The following ABCA13 variants were observed in gnomAD, a reference collection of about 807,000 sequenced individuals.
The protein encoded by ABCA13 is ATP-binding cassette sub-family A member 13.
Under a neutral mutation model 478.7 loss-of-function variants are expected in ABCA13, and 476 were observed. The ratio of observed to expected loss-of-function variants is 0.99; its 90% CI spans 0.92 to 1.07. The LOEUF is 1.07. Ranked by LOEUF, ABCA13 falls within the 50% of genes least tolerant of loss-of-function variation. The pLI is 0.00. For missense variants in ABCA13, 6,060 were observed against 5,910.6 expected, an observed-to-expected ratio of 1.03 and a Z score of -0.83; for synonymous variants, 2,252 against 2,158.9, an observed-to-expected ratio of 1.04 and a Z score of -1.20.
chr7:48,608,203 C>T (rs1048800233), intron 58 of ABCA13, among the ~76,000 whole-genome samples: 1 of 152,178 alleles, frequency 6.6e-6, no homozygotes, highest in Non-Finnish European at 1.5e-5. Flanking sequence ...AAGACTGGCT[C>T]ATAGGAGTCA....
chr7:48,226,159 T>C (rs1046682351), intron 5 of ABCA13, among the ~76,000 whole-genome samples: 1 of 152,138 alleles, frequency 6.6e-6, no homozygotes, highest in Non-Finnish European at 1.5e-5. Context: ...ATGAAGATTT[T>C]GACCAGAGAA....
chr7:48,507,556 G>A lies in ABCA13; in HGVS notation c.13347-316G>A, dbSNP rs555493812. Among the ~76,000 whole-genome samples the A allele has an allele frequency of 4.9e-4, 75 of 152,236 alleles. 1 individual carries two copies. The highest frequency in any genetic ancestry group is 9.4e-4 in the Non-Finnish European group (64 of 68,012). On this transcript the variant is annotated intron_variant, in intron 49 of 61. Coordinates refer to ENST00000435803, the MANE Select transcript of ABCA13 (RefSeq NM_152701.5). ...AAAGGTCACAGCTTACCCGGATGCT[G>A]CTCAGAGGATATCTTTCATCTTAAT...
intron 15 of ABCA13, among the ~76,000 whole-genome samples, chr7:48,261,704 C>T (rs1364118861): frequency 5.3e-5 from 8 of 151,764 alleles, no homozygotes; most frequent in African/African-American, 1.7e-4. Context: ...CTTCTTTTAT[C>T]ACATTGAGAC....
chr7:48,515,775 A>G (rs560418581), intron 51 of ABCA13, among the ~76,000 whole-genome samples: 1 of 152,046 alleles, frequency 6.6e-6, no homozygotes, highest in Non-Finnish European at 1.5e-5. Flanking sequence ...TTCAGTTTTT[A>G]TTTTTAGGCC....
intron 35 of ABCA13, among the ~76,000 whole-genome samples, chr7:48,380,935 A>T (rs1200335110): frequency 6.6e-6 from 1 of 152,166 alleles, no homozygotes; most frequent in Non-Finnish European, 1.5e-5. Context: ...GCCCAGGGCA[A>T]GGTACCAGCC....
intron 43 of ABCA13, among the ~76,000 whole-genome samples, chr7:48,462,520 G>T (rs1291992978): frequency 1.3e-5 from 2 of 151,590 alleles, no homozygotes; most frequent in Non-Finnish European, 2.9e-5. Context: ...TTTTTGGGGG[G>T]TGGGGGAGTA....
chr7:48,184,743 C>T (rs1297797041), intron 1 of ABCA13, among the ~76,000 whole-genome samples: 1 of 152,184 alleles, frequency 6.6e-6, no homozygotes, highest in African/African-American at 2.4e-5. Flanking sequence ...TTGCTTGAAT[C>T]TGGGAGGCGG....
rs553187113 is a variant in ABCA13, at chr7:48,635,381, G to C, written c.14838-7907G>C. ...TGGGAGCAACATCATGTTTCTTTCT[G>C]AATGACCCTCCCACTTTAGGAGCTG... is the stretch of plus-strand genomic sequence containing the variant. On this transcript the variant is annotated intron_variant, in intron 59 of 61. Coordinates refer to ENST00000435803, the MANE Select transcript of ABCA13 (RefSeq NM_152701.5). Among the ~76,000 whole-genome samples, 159 of 152,206 alleles carry C rather than the reference G, an allele frequency of 1.0e-3. 1 individual carries two copies. The highest frequency in any genetic ancestry group is 3.8e-3 in the African/African-American group (156 of 41,534).
chr7:48,574,298 G>GT (rs1160342594), intron 55 of ABCA13, among the ~76,000 whole-genome samples: 2 of 151,924 alleles, frequency 1.3e-5, no homozygotes, highest in Non-Finnish European at 2.9e-5. Flanking sequence ...TACTAAATAC[G>GT]TTTTTTAAAG....
rs185556652 is a variant in ABCA13, at chr7:48,631,417, C to T, written c.14838-11871C>T. On this transcript the variant is annotated intron_variant, in intron 59 of 61. Coordinates refer to ENST00000435803, the MANE Select transcript of ABCA13 (RefSeq NM_152701.5). ...CTATTTATTAAATAGGTAGTCCTTT[C>T]CCCATTGTTTATTTTTGTCAGCTTT... Among the ~76,000 whole-genome samples, 622 of 152,136 alleles carry T rather than the reference C, an allele frequency of 4.1e-3. 3 individuals are homozygous for T. The highest frequency in any genetic ancestry group is 0.017 in the South Asian group (84 of 4,826).
rs750334522 is a variant in ABCA13 at position 48,524,301 on chromosome 7, A to G, written c.14105A>G (p.Glu4702Gly). The G allele has an allele frequency of 1.8e-5, 29 of 1,612,854 alleles. No individual in the cohort carries two copies. Among genetic ancestry groups the G allele is most frequent in the South Asian group, 1.8e-4 (16 of 90,894 alleles). Residue 4702 changes from glutamate (E) to glycine (G), a missense_variant, in exon 54 of 62, where the codon GAA (glutamate) becomes GGA (glycine). Glu to Gly is a moderately conservative substitution (Grantham distance 98). This residue lies in a region of ABCA13 where 1,627 missense variants were observed against 1,571.0 expected (regional missense o/e 1.04). Transcript: ENST00000435803. ...TVKSSKDTDV[E>G]KEEKRVFEGR... ...AAATCTTCTAAGGATACAGATGTTG[A>G]AAAAGAGGAAAAGAGAGTGTTTGAA...
At chr7:48,477,130 C>T (rs28627154) in intron 45 of ABCA13, among the ~76,000 whole-genome samples, 49,584 of 151,652 alleles carry the variant, frequency 0.33, 8,329 homozygotes, top group East Asian at 0.46. Flanking sequence ...GGTGGGGGGG[C>T]GGTCAATATT....
chr7:48,313,696 C>T (rs1471490359), intron 25 of ABCA13, among the ~76,000 whole-genome samples: 1 of 152,160 alleles, frequency 6.6e-6, no homozygotes, highest in African/African-American at 2.4e-5. Flanking sequence ...TTTGTTTGAA[C>T]TCTTTTTGCC....
At chr7:48,371,151 C>G (rs1164203981) in intron 32 of ABCA13, among the ~76,000 whole-genome samples, 1 of 152,018 alleles carries the variant, frequency 6.6e-6, no homozygotes, top group Admixed American at 6.6e-5. Flanking sequence ...TCTGTTTTTG[C>G]TCCAGTACCA....
intron 13 of ABCA13, among the ~76,000 whole-genome samples, chr7:48,247,037 C>T (rs1791802811): frequency 6.6e-6 from 1 of 151,918 alleles, no homozygotes; most frequent in Non-Finnish European, 1.5e-5. Context: ...GAGTTTAAGA[C>T]CAACCTGGGC....
intron 59 of ABCA13, among the ~76,000 whole-genome samples, chr7:48,616,475 G>T (rs934731548): frequency 6.6e-6 from 1 of 152,150 alleles, no homozygotes; most frequent in African/African-American, 2.4e-5. Context: ...TGATTGTTGG[G>T]TGATTTATGT....
intron 7 of ABCA13, among the ~76,000 whole-genome samples, chr7:48,231,183 G>T (rs1789021302): frequency 6.6e-6 from 1 of 150,704 alleles, no homozygotes; most frequent in African/African-American, 2.4e-5. Context: ...AAAAAAAAAG[G>T]CATAGTTCTT....
chr7:48,460,481 C>T lies in ABCA13; in HGVS notation c.12815+5195C>T, dbSNP rs1211716331. 2.6e-5 allele frequency among the ~76,000 whole-genome samples: 4 copies of T among 152,274 alleles called. No homozygotes were observed. The East Asian group carries it at 5.8e-4, about 22-fold the overall frequency. On this transcript the variant is annotated intron_variant, in intron 43 of 61. Coordinates refer to ENST00000435803, the MANE Select transcript of ABCA13 (RefSeq NM_152701.5). ...CTCCTGTCTTCATGTGGCCTTCCTCCTGCATGTCTCTGTGTCCACATTTCC... is the reference window on the plus strand; with the variant it reads ...CTCCTGTCTTCATGTGGCCTTCCTCTTGCATGTCTCTGTGTCCACATTTCC...
chr7:48,408,543 A>G (rs1469634575), intron 39 of ABCA13, among the ~76,000 whole-genome samples: 1 of 152,184 alleles, frequency 6.6e-6, no homozygotes, highest in African/African-American at 2.4e-5. Context: ...TTTTGTGTCT[A>G]CGTTCCATAG....
Sources: gnomAD v4.1 joint callset for allele counts (sites outside exome capture counted in the v4.1 genomes callset) on GRCh38, gnomAD v4.1.1 for gene constraint, gnomAD v4.1.1 regional missense constraint, MANE v1.5 for transcripts, NCBI Gene and HGNC (gene_info 2026-07-23, HGNC 2026-07-21) for gene names.